The following OXGR1 variants were observed in gnomAD, a reference collection of about 807,000 sequenced individuals.
The protein encoded by OXGR1 is 2-oxoglutarate receptor 1.
Under a neutral mutation model 10.0 loss-of-function variants are expected in OXGR1, and 10 were observed. That is an observed-to-expected ratio of 1.00 (90% confidence interval 0.62 to 1.70). The LOEUF is 1.70. Among genes scored for constraint, OXGR1 ranks in the 40% most tolerant of loss-of-function variants. The probability of loss-of-function intolerance (pLI) is 0.00; values close to 1 mark genes in which losing one functional copy is unlikely to be tolerated. For missense variants in OXGR1, 398 were observed against 407.6 expected, an observed-to-expected ratio of 0.98 and a Z score of 0.20; for synonymous variants, 191 against 155.9, an observed-to-expected ratio of 1.22 and a Z score of -1.68.
chr13:96,990,032 C>G (rs184962470), intron 2 of OXGR1, among the ~76,000 whole-genome samples: 2 of 152,168 alleles, frequency 1.3e-5, no homozygotes, highest in Admixed American at 6.5e-5. Flanking sequence ...TAAATCATCT[C>G]TAGATTACTT....
chr13:96,993,518 G>C (rs866705575), intron 1 of OXGR1, among the ~76,000 whole-genome samples: 4 of 152,102 alleles, frequency 2.6e-5, no homozygotes, highest in Non-Finnish European at 5.9e-5. Flanking sequence ...CACACACCCG[G>C]CCAATCCCCA....
upstream of OXGR1, chr13:96,994,492 C>G (rs1384692169): frequency 6.6e-6 from 1 of 152,168 alleles, no homozygotes. Flanking sequence ...CGCCCACTTC[C>G]CAGTAGACAC....
chr13:96,992,557 T>C lies in OXGR1; in HGVS notation c.-262A>G, dbSNP rs1882109869. 1 of 152,178 alleles carries C rather than the reference T, an allele frequency of 6.6e-6. No individual in the cohort carries two copies. Among genetic ancestry groups the C allele is most frequent in the Admixed American group, 6.5e-5 (1 of 15,280 alleles). 9.4% of individuals were successfully genotyped at this position (152,178 alleles called of 1,614,324 possible). ...CCAGCACACCCAGGAACCTCACGGA[T>C]TGGGATTCCAAGATTCTGTGGGTAA... On this transcript the variant is annotated 5_prime_UTR_variant, in exon 2 of 4. Coordinates refer to ENST00000541038, the MANE Select transcript of OXGR1 (RefSeq NM_001346194.2).
intron 3 of OXGR1, among the ~76,000 whole-genome samples, chr13:96,988,814 G>A (rs1234764615): frequency 1.3e-5 from 2 of 152,146 alleles, no homozygotes; most frequent in East Asian, 3.9e-4. Context: ...TTTTTGCAAT[G>A]AGAAAAGTAC....
Position 96,990,946 on chromosome 13 carries a change from C to CAAAAAAAAAAAAAAAAAAAA in OXGR1, c.-126-1138_-126-1137insTTTTTTTTTTTTTTTTTTTT, listed in dbSNP as rs765856782. ...CCTGAGTGACACAGCAAGACTCTTT[C>CAAAAAAAAAAAAAAAAAAAA]AAAAAAAAAAAAAAAAGCAAGCTTA... On this transcript the variant is annotated intron_variant, in intron 2 of 3. Transcript: ENST00000541038. Among the ~76,000 whole-genome samples, 38 of 97,166 alleles carry CAAAAAAAAAAAAAAAAAAAA rather than the reference C, an allele frequency of 3.9e-4. 2 individuals are homozygous for CAAAAAAAAAAAAAAAAAAAA. The highest frequency in any genetic ancestry group is 1.7e-3 in the African/African-American group (36 of 21,054). 63.7% of individuals were successfully genotyped at this position (97,166 alleles called of 152,430 possible).
At position 96,986,704 on chromosome 13, in the gene OXGR1, G is replaced by C; in HGVS notation, c.*42C>G. 6.5e-7 allele frequency: 1 copy of C among 1,548,276 alleles called. No individual in the cohort carries two copies. The highest frequency in any genetic ancestry group is 8.7e-7 in the Non-Finnish European group (1 of 1,150,706). On this transcript the variant is annotated 3_prime_UTR_variant, in exon 4 of 4. Coordinates refer to ENST00000541038, the MANE Select transcript of OXGR1 (RefSeq NM_001346194.2). ...TGAACATCTTAGGATGCTAGGTAAA[G>C]TATCAGCAAGTATTTGTTTTTGGTT...
In OXGR1 at chr13:96,986,815, T is replaced by C. The variant is rs1270242756; in HGVS notation, c.945A>G (p.Ser315=). Residue 315 remains serine (S), a synonymous_variant, in exon 4 of 4, where the codon TCA becomes TCG. Coordinates refer to ENST00000541038, the MANE Select transcript of OXGR1 (RefSeq NM_001346194.2). ...VSDNFQQAVC[S]TVRCKVSGNL... ...TCCCGCTTACTTTGCATCTCACTGT[T>C]GAGCAGACAGCCTGCTGAAAGTTGT... The C allele has an allele frequency of 1.9e-6, 3 of 1,614,070 alleles. No individual in the cohort carries two copies. In the African/African-American group the frequency reaches 4.0e-5, roughly 22 times the overall value.
chr13:96,987,297 C>T lies in OXGR1; in HGVS notation c.463G>A (p.Ala155Thr). 1 of 1,614,224 alleles carries T rather than the reference C, an allele frequency of 6.2e-7. No homozygotes were observed. Among genetic ancestry groups the T allele is most frequent in the Non-Finnish European group, 8.5e-7 (1 of 1,180,044 alleles). The change falls in exon 4 of 4, where the codon GCT becomes ACT. Residue 155 changes from alanine (A) to threonine (T), a missense_variant. By Grantham distance (58) the Ala-to-Thr change is moderately conservative (BLOSUM62 0). Transcript: ENST00000541038. ...HKTRCAVVAC[A>T]VVWIISLVAV... ...ACCAGTGAAATGATCCACACCACAG[C>T]ACAGGCTACAACTGCACATCGAGTT...
At chr13:96,994,022 C>G (rs1882191920) in intron 1 of OXGR1, among the ~76,000 whole-genome samples, 1 of 152,178 alleles carries the variant, frequency 6.6e-6, no homozygotes, top group African/African-American at 2.4e-5. Flanking sequence ...ATCCCTAACT[C>G]CCCCAGTTCT....
chr13:96,991,084 A>G (rs540120020), intron 2 of OXGR1, among the ~76,000 whole-genome samples: 1 of 152,328 alleles, frequency 6.6e-6, no homozygotes, highest in South Asian at 2.1e-4. Flanking sequence ...TGAAGAAAAG[A>G]TGGGTTATAG....
rs1253914001 is a variant in OXGR1, at chr13:96,985,714, T to C, written c.*1032A>G. 1.3e-5 allele frequency: 2 copies of C among 152,234 alleles called. No individual in the cohort carries two copies. Among genetic ancestry groups the C allele is most frequent in the Non-Finnish European group, 2.9e-5 (2 of 68,040 alleles). The allele number at this position is 152,234 out of a possible 1,614,324, so 9.4% of individuals were successfully genotyped here. ...AGAAAAATATGACCAAACAGCCTAT[T>C]ACATAATTATAAATAAGTTTATTAA... On this transcript the variant is annotated 3_prime_UTR_variant, in exon 4 of 4. Coordinates refer to ENST00000541038, the MANE Select transcript of OXGR1 (RefSeq NM_001346194.2).
intron 2 of OXGR1, among the ~76,000 whole-genome samples, chr13:96,990,137 A>T (rs1881980647): frequency 6.6e-6 from 1 of 152,226 alleles, no homozygotes; most frequent in African/African-American, 2.4e-5. Context: ...ACTGCTGACC[A>T]GTGAGAGTGC....
intron 3 of OXGR1, among the ~76,000 whole-genome samples, chr13:96,989,370 C>T (rs944121388): frequency 6.6e-6 from 1 of 152,162 alleles, no homozygotes; most frequent in African/African-American, 2.4e-5. Flanking sequence ...TTCCAAATCT[C>T]ACTTAGTCCA....
chr13:96,990,624 A>AG (rs1480120857), intron 2 of OXGR1, among the ~76,000 whole-genome samples: 1 of 152,130 alleles, frequency 6.6e-6, no homozygotes, highest in Non-Finnish European at 1.5e-5. Flanking sequence ...GGGCTACTGA[A>AG]GGGGCAACTA....
rs530179569 is a variant in OXGR1, at chr13:96,988,267, T to C, written c.-74-434A>G. ...CCTCTATTTTACAAGAGACTAAGACTGAGAAATGTTTTGCGGCTCGTCTCT... is the reference window on the plus strand; with the variant it reads ...CCTCTATTTTACAAGAGACTAAGACCGAGAAATGTTTTGCGGCTCGTCTCT... On this transcript the variant is annotated intron_variant, in intron 3 of 3. Coordinates refer to ENST00000541038, the MANE Select transcript of OXGR1 (RefSeq NM_001346194.2). Among the ~76,000 whole-genome samples, 13 of 152,272 alleles carry C rather than the reference T, an allele frequency of 8.5e-5. No homozygotes were observed. The East Asian group carries it at 1.5e-3, about 18-fold the overall frequency.
chr13:96,993,292 G>A (rs9584461), intron 1 of OXGR1, among the ~76,000 whole-genome samples: 2 of 151,998 alleles, frequency 1.3e-5, no homozygotes, highest in African/African-American at 2.4e-5. Flanking sequence ...TGATCTTGGC[G>A]CACTTCAACC....
chr13:96,986,701 A>C lies in OXGR1; in HGVS notation c.*45T>G. 1 of 1,541,778 alleles carries C rather than the reference A, an allele frequency of 6.5e-7. No homozygotes were observed. On this transcript the variant is annotated 3_prime_UTR_variant, in exon 4 of 4. Transcript: ENST00000541038. ...TCCTGAACATCTTAGGATGCTAGGT[A>C]AAGTATCAGCAAGTATTTGTTTTTG... is the stretch of plus-strand genomic sequence containing the variant.
Position 96,986,051 on chromosome 13 carries a change from A to G in OXGR1, c.*695T>C, listed in dbSNP as rs1881719918. Reference sequence around the variant, plus strand: ...GGACATGTTAATAATGATGAATACAATTTGATAATTTTCATACATTCAATA... The same window carrying G: ...GGACATGTTAATAATGATGAATACAGTTTGATAATTTTCATACATTCAATA... On this transcript the variant is annotated 3_prime_UTR_variant, in exon 4 of 4. Transcript: ENST00000541038. 1 of 152,246 alleles carries G rather than the reference A, an allele frequency of 6.6e-6. No homozygotes were observed. The highest frequency in any genetic ancestry group is 1.9e-4 in the East Asian group (1 of 5,206). 9.4% of individuals were successfully genotyped at this position (152,246 alleles called of 1,614,324 possible).
intron 2 of OXGR1, among the ~76,000 whole-genome samples, chr13:96,990,275 C>A (rs1425227548): frequency 6.6e-6 from 1 of 152,190 alleles, no homozygotes; most frequent in African/African-American, 2.4e-5. Context: ...GTCCCAGAAG[C>A]AGCACGTCCC....
Sources: allele counts gnomAD v4.1 joint callset (sites outside exome capture counted in the v4.1 genomes callset), GRCh38; gene constraint gnomAD v4.1.1; transcripts MANE v1.5; gene names NCBI Gene and HGNC (gene_info 2026-07-23, HGNC 2026-07-21).